The following SRD5A2 variants were observed in gnomAD, a reference collection of about 807,000 sequenced individuals.
SRD5A2 encodes the protein steroid 5 alpha-reductase 2, also known as 3-oxo-5-alpha-steroid 4-dehydrogenase 2.
In SRD5A2, 30 loss-of-function variants were observed where a neutral mutation model predicts 27.4. The ratio of observed to expected loss-of-function variants is 1.10; its 90% confidence interval spans 0.82 to 1.49. SRD5A2 has a LOEUF of 1.49. Among genes scored for constraint, SRD5A2 ranks in the 40% most tolerant of loss-of-function variants. The pLI is 0.00. For missense variants in SRD5A2, 348 were observed against 323.4 expected, an observed-to-expected ratio of 1.08 and a Z score of -0.58; for synonymous variants, 141 against 133.6, an observed-to-expected ratio of 1.06 and a Z score of -0.38.
rs138700587 is a variant in SRD5A2 at position 31,530,315 on chromosome 2, T to C, written c.548-858A>G. 8.5e-5 allele frequency among the ~76,000 whole-genome samples: 13 copies of C among 152,350 alleles called. No homozygotes were observed. The East Asian group carries it at 2.5e-3, about 29-fold the overall frequency. On this transcript the variant is annotated intron_variant, in intron 3 of 4. Transcript: ENST00000622030. The stretch of plus-strand genomic sequence containing the variant: ...CAAGTGCTTTCTCTGCTCTTCTTTA[T>C]TTATCTAGTTATGGAGTGAATGTTT...
the SRD5A2 span, among the ~76,000 whole-genome samples, chr2:31,604,791 A>T: frequency 1.3e-5 from 2 of 149,744 alleles, no homozygotes; most frequent in Admixed American, 1.3e-4. Flanking sequence ...TTCTTCACAG[A>T]AATAAAAAAA....
the SRD5A2 span, among the ~76,000 whole-genome samples, chr2:31,620,734 T>G: frequency 6.6e-6 from 1 of 151,462 alleles, no homozygotes; most frequent in East Asian, 1.9e-4. Context: ...TGTAGAGAAC[T>G]CTTTGAGAAC....
chr2:31,648,651 A>T, the SRD5A2 span, among the ~76,000 whole-genome samples: 1 of 152,230 alleles, frequency 6.6e-6, no homozygotes, highest in Non-Finnish European at 1.5e-5. Context: ...AAAAGAATCT[A>T]TTCAGTTCAC....
intron 1 of SRD5A2, among the ~76,000 whole-genome samples, chr2:31,538,801 AT>A (rs1014872706): frequency 1.3e-5 from 2 of 152,132 alleles, no homozygotes; most frequent in Admixed American, 6.5e-5. Flanking sequence ...TTCCAGTAGC[AT>A]TTTTTACTAA....
At chr2:31,572,284 C>G (rs1254621392) in intron 1 of SRD5A2, among the ~76,000 whole-genome samples, 4 of 152,082 alleles carry the variant, frequency 2.6e-5, no homozygotes, top group Admixed American at 2.6e-4. Flanking sequence ...AAGAGAACAA[C>G]AGCACTGGGG....
At chr2:31,647,146 G>GAAAAC in the SRD5A2 span, among the ~76,000 whole-genome samples, 3 of 151,914 alleles carry the variant, frequency 2.0e-5, no homozygotes, top group African/African-American at 4.8e-5. Context: ...CCCTGTCTCA[G>GAAAAC]AAAACAAAAC....
chr2:31,600,345 C>A, the SRD5A2 span, among the ~76,000 whole-genome samples: 5 of 151,916 alleles, frequency 3.3e-5, no homozygotes, highest in Non-Finnish European at 5.9e-5. Flanking sequence ...TGGTAATACA[C>A]CTAGTAGTAA....
chr2:31,591,968 A>C, the SRD5A2 span, among the ~76,000 whole-genome samples: 434 of 148,254 alleles, frequency 2.9e-3, 2 homozygotes, highest in Middle Eastern at 6.8e-3. Context: ...GGATAGCATT[A>C]GGAGATATAC....
intron 1 of SRD5A2, among the ~76,000 whole-genome samples, chr2:31,553,838 A>G (rs1174386873): frequency 2.0e-5 from 3 of 152,208 alleles, no homozygotes; most frequent in Admixed American, 6.5e-5. Context: ...ATGGTCTAAT[A>G]TAACTCCAAC....
chr2:31,615,688 C>A, the SRD5A2 span, among the ~76,000 whole-genome samples: 1 of 152,172 alleles, frequency 6.6e-6, no homozygotes, highest in African/African-American at 2.4e-5. Context: ...AAATTCAAGC[C>A]AGCTGCAGAA....
the SRD5A2 span, among the ~76,000 whole-genome samples, chr2:31,640,438 T>C: frequency 6.6e-6 from 1 of 152,152 alleles, no homozygotes; most frequent in African/African-American, 2.4e-5. Context: ...ATTTTAGGAT[T>C]AGTTATTAAT....
chr2:31,594,883 T>C, the SRD5A2 span, among the ~76,000 whole-genome samples: 1 of 152,168 alleles, frequency 6.6e-6, no homozygotes, highest in African/African-American at 2.4e-5. Flanking sequence ...AGAATAAAAT[T>C]GGAAATTAAC....
the SRD5A2 span, among the ~76,000 whole-genome samples, chr2:31,610,796 T>C: frequency 6.6e-6 from 1 of 152,142 alleles, no homozygotes. Context: ...AAGTTTCAGA[T>C]TACAAAATCA....
At chr2:31,558,248 G>A (rs972196171) in intron 1 of SRD5A2, among the ~76,000 whole-genome samples, 2 of 152,196 alleles carry the variant, frequency 1.3e-5, no homozygotes, top group African/African-American at 2.4e-5. Context: ...CTAGTAACAG[G>A]AGACCTATTT....
the SRD5A2 span, among the ~76,000 whole-genome samples, chr2:31,588,578 C>T: frequency 6.6e-6 from 1 of 152,104 alleles, no homozygotes; most frequent in East Asian, 1.9e-4. Context: ...AAAATAAAAG[C>T]TGAGGAATTT....
At chr2:31,628,705 A>G in the SRD5A2 span, among the ~76,000 whole-genome samples, 6 of 152,104 alleles carry the variant, frequency 3.9e-5, no homozygotes, top group African/African-American at 1.4e-4. Context: ...AAAGGATTTT[A>G]TTACTCCTTT....
At chr2:31,602,758 C>T in the SRD5A2 span, among the ~76,000 whole-genome samples, 1 of 151,720 alleles carries the variant, frequency 6.6e-6, no homozygotes, top group African/African-American at 2.4e-5. Flanking sequence ...AGACCTCACA[C>T]CTACAATCAT....
the SRD5A2 span, among the ~76,000 whole-genome samples, chr2:31,620,723 C>T: frequency 3.3e-5 from 5 of 151,376 alleles, no homozygotes; most frequent in Non-Finnish European, 7.4e-5. Context: ...GAAAAGGTCT[C>T]TGTAGAGAAC....
the SRD5A2 span, among the ~76,000 whole-genome samples, chr2:31,658,057 C>T: frequency 1.2e-4 from 19 of 152,072 alleles, no homozygotes; most frequent in Non-Finnish European, 5.9e-5. Context: ...CCTCAGAGAA[C>T]CAGCTTCTGT....
Sources: gnomAD v4.1 joint callset for allele counts (sites outside exome capture counted in the v4.1 genomes callset) on GRCh38, gnomAD v4.1.1 for gene constraint, MANE v1.5 for transcripts, NCBI Gene and HGNC (gene_info 2026-07-23, HGNC 2026-07-21) for gene names.